The following FSD2 variants were observed in gnomAD, a reference collection of about 807,000 sequenced individuals.
FSD2 encodes the protein fibronectin type III and SPRY domain-containing protein 2.
Under a neutral mutation model 80.4 loss-of-function variants are expected in FSD2, and 71 were observed. That is an observed-to-expected ratio of 0.88 (90% CI 0.73 to 1.08). The LOEUF (loss-of-function observed/expected upper bound fraction) is 1.08. Ranked by LOEUF, FSD2 falls within the 50% of genes least tolerant of loss-of-function variation. The pLI, the probability that FSD2 is intolerant of heterozygous loss-of-function variation, is 0.00. For synonymous variants in FSD2, 361 were observed against 329.5 expected, an observed-to-expected ratio of 1.10 and a Z score of -1.03; for missense variants, 923 against 913.8, an observed-to-expected ratio of 1.01 and a Z score of -0.13.
rs1596223212 is a variant in FSD2 at position 82,759,680 on chromosome 15, T to G, written c.1998-80A>C. 5 of 1,212,374 alleles carry G rather than the reference T, an allele frequency of 4.1e-6. No individual in the cohort carries two copies. In the East Asian group the frequency reaches 1.3e-4, roughly 31 times the overall value. 75.1% of individuals were successfully genotyped at this position (1,212,374 alleles called of 1,614,324 possible). On this transcript the variant is annotated intron_variant, in intron 12 of 12. Coordinates refer to ENST00000334574, the MANE Select transcript of FSD2 (RefSeq NM_001007122.4). ...TATAGAACATTTCATACTAATTTTA[T>G]TCATAGTCCTATGATTTTGCTATTT...
chr15:82,769,980 G>T, intron 7 of FSD2, 96 bp from the exon 8 acceptor site: 3 of 1,450,876 alleles, frequency 2.1e-6, no homozygotes, highest in Non-Finnish European at 9.5e-7. Context: ...TACAAAACTG[G>T]CTATAAATTC....
At chr15:82,771,870 G>T (rs1216940595) in intron 7 of FSD2, among the ~76,000 whole-genome samples, 2 of 152,186 alleles carry the variant, frequency 1.3e-5, no homozygotes, top group African/African-American at 4.8e-5. Context: ...AGACCCCTTC[G>T]CCTGGCCTTG....
At position 82,783,088 on chromosome 15, in the gene FSD2, GT is replaced by G. The variant is rs374426667; in HGVS notation, c.736-64del. 132 of 1,234,170 alleles carry G rather than the reference GT, an allele frequency of 1.1e-4. 1 individual carries two copies. The Middle Eastern group carries it at 5.0e-3, about 47-fold the overall frequency. 76.5% of individuals were successfully genotyped at this position (1,234,170 alleles called of 1,614,324 possible). ...TGTAGTGTGTTGATTAGAGTCTTTT[GT>G]TTTTTGTTTTTTTGTTTGTTTGTTT... On this transcript the variant is annotated intron_variant, in intron 3 of 12. Coordinates refer to ENST00000334574, the MANE Select transcript of FSD2 (RefSeq NM_001007122.4).
chr15:82,756,628 G>T lies in FSD2; in HGVS notation c.*2720C>A, dbSNP rs529436961. On this transcript the variant is annotated 3_prime_UTR_variant, in exon 13 of 13. Transcript: ENST00000334574. ...AACTTTCCAATTCTGACTTGTAAGG[G>T]TGCCTTAAATCCTGAATACTGTACT... The T allele has an allele frequency of 2.0e-5, 3 of 152,230 alleles. No individual in the cohort carries two copies. Among genetic ancestry groups the T allele is most frequent in the African/African-American group, 7.2e-5 (3 of 41,518 alleles). 9.4% of individuals were successfully genotyped at this position (152,230 alleles called of 1,614,324 possible). A position where few individuals can be genotyped will look rare whatever the true frequency, so the allele number is the denominator to read the frequency against.
intron 7 of FSD2, among the ~76,000 whole-genome samples, chr15:82,770,087 G>A (rs533359332): frequency 1.3e-5 from 2 of 152,252 alleles, no homozygotes; most frequent in South Asian, 4.1e-4. Flanking sequence ...ACTGGGCTTA[G>A]CTATGTGACT....
chr15:82,784,344 A>G (rs924941668), intron 3 of FSD2, among the ~76,000 whole-genome samples: 19 of 151,900 alleles, frequency 1.3e-4, no homozygotes, highest in African/African-American at 4.6e-4. Flanking sequence ...TCCTGGGTTC[A>G]AGTGATTCTC....
Position 82,787,211 on chromosome 15 carries a change from A to T in FSD2, c.180T>A (p.Asp60Glu), listed in dbSNP as rs554376766. The change falls in exon 2 of 13, where the codon GAT (aspartate) becomes GAA (glutamate). Residue 60 changes from aspartate (D) to glutamate (E), a missense_variant. Physicochemically the swap from Asp to Glu is conservative, Grantham distance 45. Coordinates refer to ENST00000334574, the MANE Select transcript of FSD2 (RefSeq NM_001007122.4). ...EMANESRGAG[D>E]GKAQRDLQEE... ...CTTGAAGGTCTCTTTGAGCCTTACC[A>T]TCCCCTGCTCCTCTTGACTCATTGG... 6.2e-7 allele frequency: 1 copy of T among 1,613,910 alleles called. No individual in the cohort carries two copies. The highest frequency in any genetic ancestry group is 1.3e-5 in the African/African-American group (1 of 75,006).
intron 4 of FSD2, among the ~76,000 whole-genome samples, chr15:82,781,313 A>G (rs1464767714): frequency 1.3e-5 from 2 of 152,188 alleles, no homozygotes; most frequent in African/African-American, 2.4e-5. Flanking sequence ...AGGTATGAGC[A>G]TTGATGGTTC....
At chr15:82,785,614 G>A (rs2049977281) in intron 3 of FSD2, among the ~76,000 whole-genome samples, 1 of 152,094 alleles carries the variant, frequency 6.6e-6, no homozygotes, top group African/African-American at 2.4e-5. Context: ...GTTAGCCACC[G>A]TGCCCAGCCA....
At chr15:82,804,754 A>G (rs1253973998) in intron 1 of FSD2, among the ~76,000 whole-genome samples, 1 of 152,240 alleles carries the variant, frequency 6.6e-6, no homozygotes, top group African/African-American at 2.4e-5. Flanking sequence ...GCAAATACAG[A>G]TAAGAACACA....
In FSD2 at chr15:82,759,549, T is replaced by G; in HGVS notation, c.2049A>C (p.Thr683=). 1 of 1,605,304 alleles carries G rather than the reference T, an allele frequency of 6.2e-7. No homozygotes were observed. The highest frequency in any genetic ancestry group is 8.5e-7 in the Non-Finnish European group (1 of 1,175,136). Residue 683 remains threonine, a synonymous_variant, in exon 13 of 13, where the codon ACA becomes ACC. Transcript: ENST00000334574. The part of the protein sequence containing the change: ...HNRTTPDIRI[T]VPPKKIGILL... ...GAATGCCAATCTTCTTTGGTGGAAC[T>G]GTTATTCTTATATCTGGAGTTGTTC...
intron 3 of FSD2, among the ~76,000 whole-genome samples, chr15:82,785,514 G>A (rs2049974199): frequency 6.6e-6 from 1 of 151,772 alleles, no homozygotes; most frequent in African/African-American, 2.4e-5. Flanking sequence ...AGTAGAAATG[G>A]GATTTCACCA....
intron 11 of FSD2, among the ~76,000 whole-genome samples, chr15:82,764,930 G>A (rs2049378334): frequency 6.6e-6 from 1 of 151,880 alleles, no homozygotes; most frequent in South Asian, 2.1e-4. Flanking sequence ...GCCCTCCCAG[G>A]GGACCGCGCC....
In FSD2 at chr15:82,769,828, T is replaced by C. The variant is rs1596234729; in HGVS notation, c.1324A>G (p.Thr442Ala). 6 of 1,613,922 alleles carry C rather than the reference T, an allele frequency of 3.7e-6. No individual in the cohort carries two copies. The East Asian group carries it at 1.3e-4, about 36-fold the overall frequency. ...GCTGTGACCCAAAATTCATACTGGGTATTTGGCACAAGGTTTGTCACTGAG... is the reference window on the plus strand; with the variant it reads ...GCTGTGACCCAAAATTCATACTGGGCATTTGGCACAAGGTTTGTCACTGAG... ...YCSVTNLVPN[T>A]QYEFWVTAHN... Residue 442 changes from threonine (T) to alanine (A), a missense_variant, in exon 8 of 13, where the codon ACC (threonine) becomes GCC (alanine). Physicochemically the swap from Thr to Ala is moderately conservative, Grantham distance 58. Transcript: ENST00000334574.
At chr15:82,797,440 A>C (rs973568836) in intron 1 of FSD2, among the ~76,000 whole-genome samples, 6 of 152,250 alleles carry the variant, frequency 3.9e-5, no homozygotes, top group African/African-American at 1.4e-4. Flanking sequence ...ATTTTCATCA[A>C]TGGATACACA....
chr15:82,771,401 G>A (rs868816766), intron 7 of FSD2, among the ~76,000 whole-genome samples: 1 of 152,186 alleles, frequency 6.6e-6, no homozygotes, highest in South Asian at 2.1e-4. Flanking sequence ...CACATGTTCA[G>A]CTGGGGCTCT....
intron 1 of FSD2, among the ~76,000 whole-genome samples, chr15:82,797,143 C>T (rs1387129790): frequency 6.6e-6 from 1 of 151,796 alleles, no homozygotes; most frequent in Non-Finnish European, 1.5e-5. Context: ...TGTTTTCAAG[C>T]TAAGTGGTTT....
intron 1 of FSD2, among the ~76,000 whole-genome samples, chr15:82,801,367 C>T (rs55934845): frequency 0.13 from 19,160 of 152,224 alleles, 1,336 homozygotes; most frequent in Non-Finnish European, 0.15. Flanking sequence ...CATTTCCCTC[C>T]ATGGGCTCAC....
chr15:82,781,189 T>C (rs2049847872), intron 4 of FSD2, among the ~76,000 whole-genome samples: 1 of 152,246 alleles, frequency 6.6e-6, no homozygotes, highest in African/African-American at 2.4e-5. Context: ...GTTCTTCTCT[T>C]GTTGGACATT....
Sources: allele counts gnomAD v4.1 joint callset (sites outside exome capture counted in the v4.1 genomes callset), GRCh38; gene constraint gnomAD v4.1.1; transcripts MANE v1.5; gene names NCBI Gene and HGNC (gene_info 2026-07-23, HGNC 2026-07-21).